Variants in MACROD2 observed in about 807,000 individuals in gnomAD.
MACROD2 encodes ADP-ribose glycohydrolase MACROD2.
MACROD2 carries 36 observed loss-of-function variants against 70.4 expected under a neutral mutation model. The observed-to-expected ratio is 0.51, with a 90% CI of 0.39 to 0.68. The LOEUF (loss-of-function observed/expected upper bound fraction) is 0.68, where lower values mean the gene tolerates loss of function less well. Among genes scored for constraint, MACROD2 ranks in the 30% least tolerant of loss-of-function variants. MACROD2 has a pLI of 0.00. For missense variants in MACROD2, 496 were observed against 538.4 expected (o/e 0.92, Z 0.78); for synonymous variants, 172 against 178.8 (o/e 0.96, Z 0.30).
At chr20:14,871,932 T>C (rs540244660) in intron 5 of MACROD2, among the ~76,000 whole-genome samples, 1 of 152,174 alleles carries the variant, frequency 6.6e-6, no homozygotes, top group Non-Finnish European at 1.5e-5. Flanking sequence ...AGAAGGGCAT[T>C]ACATAATGGT....
chr20:15,592,740 G>A (rs1020837637), intron 8 of MACROD2, among the ~76,000 whole-genome samples: 2 of 152,122 alleles, frequency 1.3e-5, no homozygotes, highest in African/African-American at 4.8e-5. Context: ...TCTTTATTTA[G>A]AATATTTGTC....
chr20:15,986,869 A>G, intron 14 of MACROD2, 68 bp downstream of exon 14: 1 of 1,271,478 alleles, frequency 7.9e-7, no homozygotes. Context: ...TTCTATATAT[A>G]CCTGTGTGTG....
chr20:15,782,047 C>T (rs997053806), intron 8 of MACROD2, among the ~76,000 whole-genome samples: 5 of 151,986 alleles, frequency 3.3e-5, no homozygotes, highest in African/African-American at 4.8e-5. Flanking sequence ...TATATCGAGT[C>T]GATGAATTGG....
At position 14,572,919 on chromosome 20, in the gene MACROD2, G is replaced by C. The variant is rs147398572; in HGVS notation, c.301+79411G>C. ...ATTTTAATAATATAAAATATATAAA[G>C]ATATGAATTGGAATCAGTTTCCAGT... On this transcript the variant is annotated intron_variant, in intron 4 of 17. Transcript: ENST00000684519. 5.5e-3 allele frequency among the ~76,000 whole-genome samples: 829 copies of C among 150,876 alleles called. 9 individuals carry two copies. Among genetic ancestry groups the C allele is most frequent in the African/African-American group, 0.019 (774 of 41,296 alleles).
At chr20:15,433,256 G>A (rs985580694) in intron 7 of MACROD2, among the ~76,000 whole-genome samples, 2 of 151,890 alleles carry the variant, frequency 1.3e-5, no homozygotes. Flanking sequence ...AAAAGCAGAA[G>A]TTAGACTGTT....
At chr20:15,514,592 A>G (rs1230616346) in intron 8 of MACROD2, among the ~76,000 whole-genome samples, 1 of 152,220 alleles carries the variant, frequency 6.6e-6, no homozygotes, top group Admixed American at 6.5e-5. Context: ...CAATAGTGAA[A>G]TTGCCTAATG....
chr20:15,166,537 AG>A (rs2076385186), intron 5 of MACROD2, among the ~76,000 whole-genome samples: 1 of 152,198 alleles, frequency 6.6e-6, no homozygotes, highest in South Asian at 2.1e-4. Context: ...TTGTTATAAT[AG>A]CCTGAACAGA....
intron 8 of MACROD2, among the ~76,000 whole-genome samples, chr20:15,843,187 C>T (rs2064192829): frequency 6.6e-6 from 1 of 152,162 alleles, no homozygotes; most frequent in African/African-American, 2.4e-5. Context: ...ATGCTGATGC[C>T]AAGTGGCCTT....
chr20:15,410,049 C>CT (rs1441089875), intron 6 of MACROD2, among the ~76,000 whole-genome samples: 1 of 151,964 alleles, frequency 6.6e-6, no homozygotes, highest in African/African-American at 2.4e-5. Flanking sequence ...ATTTCTTTTT[C>CT]TTTAAAAAAA....
chr20:14,544,522 T>C (rs984190629), intron 4 of MACROD2, among the ~76,000 whole-genome samples: 6 of 152,178 alleles, frequency 3.9e-5, no homozygotes, highest in Non-Finnish European at 8.8e-5. Flanking sequence ...CGAGTCCATA[T>C]GGTAGGAACC....
chr20:15,952,654 G>A (rs982822576), intron 12 of MACROD2, among the ~76,000 whole-genome samples: 3 of 152,128 alleles, frequency 2.0e-5, no homozygotes, highest in African/African-American at 7.2e-5. Context: ...CATGGTCAAA[G>A]CCCCTCCCAG....
intron 3 of MACROD2, among the ~76,000 whole-genome samples, chr20:14,339,053 A>T (rs1337609484): frequency 6.6e-6 from 1 of 152,194 alleles, no homozygotes; most frequent in Non-Finnish European, 1.5e-5. Context: ...ATTTCTGAAG[A>T]AGGCCAGCTA....
intron 5 of MACROD2, among the ~76,000 whole-genome samples, chr20:15,164,578 T>C (rs1016076569): frequency 2.0e-4 from 30 of 152,264 alleles, no homozygotes; most frequent in African/African-American, 6.7e-4. Context: ...AAAGATTGAA[T>C]ATTAATGAGG....
At chr20:16,036,285 C>CCT (rs1555811569) in intron 15 of MACROD2, among the ~76,000 whole-genome samples, 577 of 71,100 alleles carry the variant, frequency 8.1e-3, no homozygotes, top group African/African-American at 0.017. Flanking sequence ...GGACTCCTCC[C>CCT]CCGGCCAGCA....
intron 5 of MACROD2, among the ~76,000 whole-genome samples, chr20:14,780,447 A>G (rs1020975605): frequency 1.3e-5 from 2 of 151,752 alleles, no homozygotes; most frequent in African/African-American, 4.9e-5. Context: ...CGGTAATCCC[A>G]GCTACTCGGG....
intron 6 of MACROD2, among the ~76,000 whole-genome samples, chr20:15,300,344 G>C (rs1020655822): frequency 6.6e-6 from 1 of 152,176 alleles, no homozygotes; most frequent in Non-Finnish European, 1.5e-5. Context: ...ATAGTTTCCT[G>C]TATCTCACTG....
chr20:14,561,993 A>G (rs1979464405), intron 4 of MACROD2, among the ~76,000 whole-genome samples: 1 of 151,844 alleles, frequency 6.6e-6, no homozygotes, highest in Non-Finnish European at 1.5e-5. Flanking sequence ...TATTTTTTTT[A>G]ACTTTAATAG....
intron 5 of MACROD2, among the ~76,000 whole-genome samples, chr20:14,752,761 A>G (rs2071890752): frequency 6.6e-6 from 1 of 152,120 alleles, no homozygotes; most frequent in Non-Finnish European, 1.5e-5. Context: ...CGCAAAAAAC[A>G]TATCATGAGA....
chr20:15,106,475 T>G (rs2075911489), intron 5 of MACROD2, among the ~76,000 whole-genome samples: 1 of 152,170 alleles, frequency 6.6e-6, no homozygotes, highest in Admixed American at 6.5e-5. Context: ...CTGGGATGGT[T>G]TTATCATAAT....
Sources: allele counts gnomAD v4.1 joint callset (sites outside exome capture counted in the v4.1 genomes callset), GRCh38; gene constraint gnomAD v4.1.1; transcripts MANE v1.5; gene names NCBI Gene and HGNC (gene_info 2026-07-23, HGNC 2026-07-21).